The following CYTH3 variants were observed in gnomAD, a reference collection of about 807,000 sequenced individuals.
CYTH3 encodes the protein cytohesin-3.
A neutral mutation model predicts 55.1 loss-of-function variants in CYTH3; 23 were observed. That is an observed-to-expected ratio of 0.42 (90% CI 0.30 to 0.59). The LOEUF (loss-of-function observed/expected upper bound fraction) is 0.59, where lower values mean the gene tolerates loss of function less well. Among genes scored for constraint, CYTH3 ranks in the 20% least tolerant of loss-of-function variants. CYTH3 has a pLI of 0.20. For synonymous variants in CYTH3, 249 were observed against 194.9 expected (o/e 1.28, Z -2.31); for missense variants, 413 against 524.8 (o/e 0.79, Z 2.08).
At chr7:6,165,669 T>A in intron 10 of CYTH3, 53 bp from the exon 11 acceptor site, 2 of 1,612,196 alleles carry the variant, frequency 1.2e-6, no homozygotes, top group African/African-American at 1.3e-5. Flanking sequence ...AGCCTGAGGG[T>A]CCCTCGGCCC....
chr7:6,268,209 C>T (rs1780554670), intron 1 of CYTH3, among the ~76,000 whole-genome samples: 1 of 152,142 alleles, frequency 6.6e-6, no homozygotes, highest in South Asian at 2.1e-4. Flanking sequence ...CACTCTGTTG[C>T]CCAGACTGGA....
At chr7:6,206,987 T>A (rs1237721514) in intron 1 of CYTH3, among the ~76,000 whole-genome samples, 1 of 152,106 alleles carries the variant, frequency 6.6e-6, no homozygotes, top group Non-Finnish European at 1.5e-5. Flanking sequence ...TAAACCATTA[T>A]TTTTATGTCC....
chr7:6,172,870 G>T (rs1039968656), intron 6 of CYTH3: 1 of 1,264,460 alleles, frequency 7.9e-7, no homozygotes, highest in East Asian at 5.9e-5. Context: ...ACAACATCAC[G>T]AGGGTCCCAC....
intron 9 of CYTH3, among the ~76,000 whole-genome samples, chr7:6,168,205 G>C (rs1046306698): frequency 6.6e-6 from 1 of 151,340 alleles, no homozygotes; most frequent in African/African-American, 2.4e-5. Context: ...GCTCGGATTG[G>C]GCCACCTCCT....
chr7:6,204,625 T>C (rs1366539372), intron 1 of CYTH3, among the ~76,000 whole-genome samples: 1 of 152,228 alleles, frequency 6.6e-6, no homozygotes, highest in Non-Finnish European at 1.5e-5. Context: ...GCTGAGGATA[T>C]GCACGGACCT....
intron 1 of CYTH3, among the ~76,000 whole-genome samples, chr7:6,234,079 G>A (rs949634366): frequency 6.6e-6 from 1 of 152,224 alleles, no homozygotes; most frequent in Non-Finnish European, 1.5e-5. Context: ...TTTAACAGGA[G>A]TTTTGGAGTA....
chr7:6,230,092 G>T (rs932104908), intron 1 of CYTH3, among the ~76,000 whole-genome samples: 2 of 144,386 alleles, frequency 1.4e-5, no homozygotes, highest in African/African-American at 5.2e-5. Context: ...CAGAGATTAT[G>T]CCACTGCACT....
At chr7:6,218,761 C>T (rs1020172398) in intron 1 of CYTH3, among the ~76,000 whole-genome samples, 1 of 152,110 alleles carries the variant, frequency 6.6e-6, no homozygotes, top group Non-Finnish European at 1.5e-5. Context: ...AATCCTAGCA[C>T]TTTGGGAGGC....
chr7:6,198,000 G>C (rs967843765), intron 1 of CYTH3, among the ~76,000 whole-genome samples: 3 of 151,762 alleles, frequency 2.0e-5, no homozygotes, highest in Non-Finnish European at 2.9e-5. Context: ...AGGCTGAAGT[G>C]GGGGGATCGC....
chr7:6,204,971 T>G (rs1041014110), intron 1 of CYTH3, among the ~76,000 whole-genome samples: 1 of 151,494 alleles, frequency 6.6e-6, no homozygotes. Context: ...TCAAGGCCAG[T>G]TTGGGCAACA....
intron 1 of CYTH3, among the ~76,000 whole-genome samples, chr7:6,254,024 T>C (rs1190435953): frequency 6.8e-6 from 1 of 147,404 alleles, no homozygotes; most frequent in East Asian, 2.0e-4. Flanking sequence ...AAATAAAAAA[T>C]AAAGAAAGGA....
At chr7:6,259,798 T>TATATA (rs1562417812) in intron 1 of CYTH3, among the ~76,000 whole-genome samples, 11 of 24,878 alleles carry the variant, frequency 4.4e-4, no homozygotes, top group African/African-American at 4.2e-3. Flanking sequence ...TATATATATA[T>TATATA]ATATATATAT....
chr7:6,269,695 G>C lies in CYTH3; in HGVS notation c.34+2779C>G, dbSNP rs554561522. ...ACACTGTAAGGAACAATGTGTTCTT[G>C]TAATCTTGTGCCCCCCACTCGCTCC... On this transcript the variant is annotated intron_variant, in intron 1 of 12. Transcript: ENST00000350796. Among the ~76,000 whole-genome samples, 4 of 152,292 alleles carry C rather than the reference G, an allele frequency of 2.6e-5. No individual in the cohort carries two copies. In the South Asian group the frequency reaches 6.2e-4, roughly 24 times the overall value.
chr7:6,179,627 C>CCACATA (rs1783429097), intron 4 of CYTH3, among the ~76,000 whole-genome samples: 1 of 113,108 alleles, frequency 8.8e-6, no homozygotes, highest in African/African-American at 3.6e-5. Flanking sequence ...CACACACCCC[C>CCACATA]CACATACACC....
At chr7:6,252,990 C>G (rs935520976) in intron 1 of CYTH3, among the ~76,000 whole-genome samples, 3 of 152,046 alleles carry the variant, frequency 2.0e-5, no homozygotes, top group Non-Finnish European at 4.4e-5. Flanking sequence ...TGAACCACTC[C>G]GTAACTCCTT....
chr7:6,214,173 C>T (rs571134113), intron 1 of CYTH3, among the ~76,000 whole-genome samples: 65 of 152,126 alleles, frequency 4.3e-4, no homozygotes, highest in Non-Finnish European at 7.3e-4. Flanking sequence ...CGATGAGAGA[C>T]GGATAAACGG....
chr7:6,207,946 T>C (rs1283923869), intron 1 of CYTH3, among the ~76,000 whole-genome samples: 1 of 150,848 alleles, frequency 6.6e-6, no homozygotes, highest in Non-Finnish European at 1.5e-5. Flanking sequence ...CCAGACCCTG[T>C]CTTGGGGGGG....
chr7:6,222,702 G>GCGCCA (rs1784578961), intron 1 of CYTH3, among the ~76,000 whole-genome samples: 1 of 149,848 alleles, frequency 6.7e-6, no homozygotes, highest in Non-Finnish European at 1.5e-5. Flanking sequence ...AGCTGAGATC[G>GCGCCA]CGCCACTGCA....
At chr7:6,189,258 G>T (rs1783736997) in intron 2 of CYTH3, among the ~76,000 whole-genome samples, 1 of 152,028 alleles carries the variant, frequency 6.6e-6, no homozygotes, top group Non-Finnish European at 1.5e-5. Context: ...TCTGAGTAAA[G>T]TACACAAGTG....
Sources: allele counts gnomAD v4.1 joint callset (sites outside exome capture counted in the v4.1 genomes callset), GRCh38; gene constraint gnomAD v4.1.1; transcripts MANE v1.5; gene names NCBI Gene and HGNC (gene_info 2026-07-23, HGNC 2026-07-21).